The following RGMA variants were observed in gnomAD, a reference collection of about 807,000 sequenced individuals.
RGMA encodes repulsive guidance molecule BMP co-receptor a, also known as repulsive guidance molecule A.
Under a neutral mutation model 23.2 loss-of-function variants are expected in RGMA, and 10 were observed. The ratio of observed to expected loss-of-function variants is 0.43; its 90% CI spans 0.27 to 0.73. RGMA has a LOEUF of 0.73. Among genes scored for constraint, RGMA ranks in the 30% least tolerant of loss-of-function variants. RGMA has a pLI of 0.20. For synonymous variants in RGMA, 308 were observed against 279.3 expected, an observed-to-expected ratio of 1.10 and a Z score of -1.03; for missense variants, 547 against 630.5, an observed-to-expected ratio of 0.87 and a Z score of 1.42.
At position 93,044,879 on chromosome 15, in the gene RGMA, C is replaced by T. The variant is rs1187603670; in HGVS notation, c.*119G>A. The T allele has an allele frequency of 2.1e-5, 18 of 842,886 alleles. No homozygotes were observed. Among genetic ancestry groups the T allele is most frequent in the South Asian group, 3.6e-5 (2 of 55,884 alleles). 52.2% of individuals were successfully genotyped at this position (842,886 alleles called of 1,614,324 possible). ...CTGAGCCCTTGGCAGCAGGCGGTCC[C>T]TGGCGTTCTGCGGGGCCATGGTGGA... On this transcript the variant is annotated 3_prime_UTR_variant, in exon 4 of 4. Transcript: ENST00000329082.
Position 93,044,622 on chromosome 15 carries a change from A to T in RGMA, c.*376T>A. The T allele has an allele frequency of 3.6e-6, 1 of 277,704 alleles. No individual in the cohort carries two copies. Among genetic ancestry groups the T allele is most frequent in the Non-Finnish European group, 6.8e-6 (1 of 148,042 alleles). 17.2% of individuals were successfully genotyped at this position (277,704 alleles called of 1,614,324 possible). On this transcript the variant is annotated 3_prime_UTR_variant, in exon 4 of 4. Transcript: ENST00000329082. ...GGGGCCCCACGGATCGGCGAGCAGC[A>T]GTCGGCCGGGCCTTTCAGTGCATTG...
intron 1 of RGMA, among the ~76,000 whole-genome samples, chr15:93,079,311 C>T (rs1355920933): frequency 1.3e-5 from 2 of 152,210 alleles, no homozygotes; most frequent in African/African-American, 4.8e-5. Context: ...GGAACTTTGT[C>T]AGAAGGAATT....
chr15:93,048,181 C>A (rs1466470928), intron 3 of RGMA, among the ~76,000 whole-genome samples: 1 of 152,120 alleles, frequency 6.6e-6, no homozygotes, highest in African/African-American at 2.4e-5. Flanking sequence ...GTTGCTGTGG[C>A]TTTGTGGGTT....
chr15:93,072,288 G>A (rs939759808), intron 2 of RGMA, among the ~76,000 whole-genome samples: 8 of 152,158 alleles, frequency 5.3e-5, no homozygotes, highest in South Asian at 2.1e-4. Flanking sequence ...GAAACAGATG[G>A]GCTTTTTCAG....
At chr15:93,050,984 G>A (rs956936490) in intron 3 of RGMA, among the ~76,000 whole-genome samples, 16 of 152,316 alleles carry the variant, frequency 1.1e-4, no homozygotes, top group South Asian at 4.1e-4. Context: ...CTGAGTATGC[G>A]GAGGGCTGCG....
In RGMA at chr15:93,043,149, T is replaced by G. The variant is rs2054746120; in HGVS notation, c.*1849A>C. On this transcript the variant is annotated 3_prime_UTR_variant, in exon 4 of 4. Transcript: ENST00000329082. ...GCATCTTCTATCCGCCTTCACACCA[T>G]TCTCACGCACATACACATGCGCACA... is the stretch of plus-strand genomic sequence containing the variant. The G allele has an allele frequency of 6.6e-6, 1 of 152,288 alleles. No homozygotes were observed. The highest frequency in any genetic ancestry group is 1.5e-5 in the Non-Finnish European group (1 of 68,090). 9.4% of individuals were successfully genotyped at this position (152,288 alleles called of 1,614,324 possible).
intron 1 of RGMA, among the ~76,000 whole-genome samples, chr15:93,076,085 T>C (rs1895469015): frequency 6.6e-6 from 1 of 152,232 alleles, no homozygotes; most frequent in African/African-American, 2.4e-5. Flanking sequence ...TAGAAACTCA[T>C]TTAACTCAAA....
intron 1 of RGMA, among the ~76,000 whole-genome samples, chr15:93,081,777 T>C (rs1001830211): frequency 2.0e-5 from 3 of 152,212 alleles, no homozygotes; most frequent in African/African-American, 4.8e-5. Flanking sequence ...AATTCAAAAC[T>C]GTTTAGAATG....
intron 2 of RGMA, among the ~76,000 whole-genome samples, chr15:93,072,082 G>A (rs1364759241): frequency 6.6e-6 from 1 of 152,162 alleles, no homozygotes; most frequent in Non-Finnish European, 1.5e-5. Flanking sequence ...AAACAGGCCG[G>A]GGATTTAAGT....
intron 2 of RGMA, among the ~76,000 whole-genome samples, chr15:93,064,058 C>T (rs1237992957): frequency 6.6e-6 from 1 of 152,194 alleles, no homozygotes; most frequent in Non-Finnish European, 1.5e-5. Context: ...TCCACACTAC[C>T]CTCCCATCCC....
At chr15:93,062,540 A>C (rs1895000793) in intron 2 of RGMA, among the ~76,000 whole-genome samples, 1 of 152,118 alleles carries the variant, frequency 6.6e-6, no homozygotes. Context: ...AGACACGGAA[A>C]CCTAGAGTGC....
chr15:93,073,881 G>A, intron 1 of RGMA: 2 of 1,468,368 alleles, frequency 1.4e-6, no homozygotes, highest in South Asian at 2.8e-5. Flanking sequence ...TGGCACAGCT[G>A]CCACTCCAGA....
At chr15:93,069,075 T>A (rs912820536) in intron 2 of RGMA, among the ~76,000 whole-genome samples, 1 of 151,714 alleles carries the variant, frequency 6.6e-6, no homozygotes, top group African/African-American at 2.4e-5. Flanking sequence ...GGGAGAGCAA[T>A]AGTGTGGTAA....
chr15:93,087,169 G>C (rs1470349824), intron 1 of RGMA, among the ~76,000 whole-genome samples: 1 of 152,186 alleles, frequency 6.6e-6, no homozygotes, highest in East Asian at 1.9e-4. Context: ...GAGTCTCAAG[G>C]GGGTACTACA....
chr15:93,062,571 C>G (rs138601671), intron 2 of RGMA, among the ~76,000 whole-genome samples: 2,288 of 152,278 alleles, frequency 0.015, 60 homozygotes, highest in African/African-American at 0.052. Context: ...CATTAGGAAG[C>G]AAATGTCGCT....
At position 93,044,924 on chromosome 15, in the gene RGMA, C is replaced by A; in HGVS notation, c.*74G>T. 7.8e-7 allele frequency: 1 copy of A among 1,277,842 alleles called. No individual in the cohort carries two copies. Among genetic ancestry groups the A allele is most frequent in the Non-Finnish European group, 1.1e-6 (1 of 925,958 alleles). The allele number at this position is 1,277,842 out of a possible 1,614,324, so 79.2% of individuals were successfully genotyped here. On this transcript the variant is annotated 3_prime_UTR_variant, in exon 4 of 4. Transcript: ENST00000329082. ...GGTGGACACGCCAGGAGATCTGCACCCCGTGGGCGGTCCCAGCCCACACAT... is the reference window on the plus strand; with the variant it reads ...GGTGGACACGCCAGGAGATCTGCACACCGTGGGCGGTCCCAGCCCACACAT...
rs763572329 is a variant in RGMA at position 93,036,162 on chromosome 15, G to C, written c.*8836C>G. 2 of 152,180 alleles carry C rather than the reference G, an allele frequency of 1.3e-5. No homozygotes were observed. The highest frequency in any genetic ancestry group is 2.4e-5 in the African/African-American group (1 of 41,424). The allele number at this position is 152,180 out of a possible 1,614,324, so 9.4% of individuals were successfully genotyped here. On this transcript the variant is annotated 3_prime_UTR_variant, in exon 4 of 4. Transcript: ENST00000329082. ...CCCGTGAGGGCGGGCACATTCATTCGAGCGACCACAGCTGTACTGCCGACA... is the reference window on the plus strand; with the variant it reads ...CCCGTGAGGGCGGGCACATTCATTCCAGCGACCACAGCTGTACTGCCGACA...
chr15:93,066,803 G>A (rs901007127), intron 2 of RGMA, among the ~76,000 whole-genome samples: 3 of 152,202 alleles, frequency 2.0e-5, no homozygotes, highest in African/African-American at 4.8e-5. Context: ...GTGAGCCACC[G>A]AGCCTGGCAC....
rs146754684 is a variant in RGMA at position 93,084,282 on chromosome 15, G to T, written c.14+4637C>A. ...AGTCACTGAGAGGAACCCAGCATTT[G>T]CCCAGGAGACGTTTTTGAGCAAGCC... On this transcript the variant is annotated intron_variant, in intron 1 of 3. Transcript: ENST00000329082. Among the ~76,000 whole-genome samples the T allele has an allele frequency of 3.7e-3, 562 of 152,292 alleles. 2 individuals are homozygous for T. The highest frequency in any genetic ancestry group is 6.7e-3 in the Non-Finnish European group (458 of 68,028).
Sources: gnomAD v4.1 joint callset for allele counts (sites outside exome capture counted in the v4.1 genomes callset) on GRCh38, gnomAD v4.1.1 for gene constraint, MANE v1.5 for transcripts, NCBI Gene and HGNC (gene_info 2026-07-23, HGNC 2026-07-21) for gene names.